The following NUP153 variants were observed in gnomAD, a reference collection of about 807,000 sequenced individuals.
NUP153 encodes nucleoporin 153, also known as nuclear pore complex protein Nup153.
Under a neutral mutation model 134.6 loss-of-function variants are expected in NUP153, and 27 were observed. The observed-to-expected ratio is 0.20, with a 90% CI of 0.15 to 0.28. The LOEUF (loss-of-function observed/expected upper bound fraction) is 0.28, where lower values mean the gene tolerates loss of function less well. Among genes scored for constraint, NUP153 ranks in the 10% least tolerant of loss-of-function variants. The pLI is 1.00. For synonymous variants in NUP153, 640 were observed against 623.5 expected, an observed-to-expected ratio of 1.03 and a Z score of -0.40; for missense variants, 1,821 against 1,731.3, an observed-to-expected ratio of 1.05 and a Z score of -0.92.
At chr6:17,647,733 C>T in intron 13 of NUP153, 74 bp downstream of exon 13, 2 of 933,356 alleles carry the variant, frequency 2.1e-6, no homozygotes, top group East Asian at 4.9e-5. Context: ...CCACCAGTGG[C>T]ATCTTAGATT....
At chr6:17,697,732 C>G (rs12211005) in intron 1 of NUP153, among the ~76,000 whole-genome samples, 1 of 149,610 alleles carries the variant, frequency 6.7e-6, no homozygotes, top group East Asian at 2.0e-4. Context: ...GGGCAGGCTA[C>G]TCTATAACAC....
Position 17,628,482 on chromosome 6 carries a change from TAA to T in NUP153, c.3544+171_3544+172del. Among the ~76,000 whole-genome samples the T allele has an allele frequency of 6.6e-6, 1 of 152,256 alleles. No individual in the cohort carries two copies. The highest frequency in any genetic ancestry group is 2.1e-4 in the South Asian group (1 of 4,820). ...GACTTCACCAGAATCATGAGGGTTT[TAA>T]AGAGCAGTTCAAACTGAAAATCCTA... On this transcript the variant is annotated intron_variant, in intron 18 of 21. Coordinates refer to ENST00000262077, the MANE Select transcript of NUP153 (RefSeq NM_005124.4). The surrounding 1 kb of genome is among the most constrained non-coding windows in gnomAD (Gnocchi z 5.4).
intron 1 of NUP153, among the ~76,000 whole-genome samples, chr6:17,699,469 C>T (rs1282763221): frequency 2.2e-5 from 3 of 135,178 alleles, no homozygotes; most frequent in African/African-American, 8.4e-5. Context: ...GGTGACAGGG[C>T]GAGACTCGTC....
intron 11 of NUP153, among the ~76,000 whole-genome samples, chr6:17,653,420 A>T (rs535064594): frequency 1.1e-4 from 16 of 152,380 alleles, no homozygotes; most frequent in African/African-American, 3.4e-4. Flanking sequence ...ATGACTATCA[A>T]CTATTGGTAA....
intron 2 of NUP153, among the ~76,000 whole-genome samples, chr6:17,682,039 G>A (rs529138639): frequency 5.9e-5 from 9 of 152,144 alleles, no homozygotes; most frequent in South Asian, 2.1e-4. Context: ...GAGGCCTCAC[G>A]TCTACTAAAA....
chr6:17,617,610 AGGC>A (rs1347085956), intron 20 of NUP153, among the ~76,000 whole-genome samples: 2 of 152,140 alleles, frequency 1.3e-5, no homozygotes, highest in African/African-American at 2.4e-5. Context: ...TGGGAGGCCA[AGGC>A]AGGTGGACTG....
intron 2 of NUP153, among the ~76,000 whole-genome samples, chr6:17,681,050 C>T (rs1476573576): frequency 6.6e-6 from 1 of 151,826 alleles, no homozygotes; most frequent in Non-Finnish European, 1.5e-5. Context: ...GACAAAGAAA[C>T]TGTGCTACAT....
In NUP153 at chr6:17,668,069, C is replaced by CTTT. The variant is rs762142682; in HGVS notation, c.1068+903_1068+905dup. ...GCAATGAGGACTTTAGTTTACTGAA[C>CTTT]TTTTTTTTTTTTTTTTTTTTTTTTG... On this transcript the variant is annotated intron_variant, in intron 8 of 21. Transcript: ENST00000262077. 5.7e-4 allele frequency among the ~76,000 whole-genome samples: 50 copies of CTTT among 87,234 alleles called. 3 individuals are homozygous for CTTT. The highest frequency in any genetic ancestry group is 1.9e-3 in the African/African-American group (42 of 21,614). 57.2% of individuals were successfully genotyped at this position (87,234 alleles called of 152,430 possible).
At chr6:17,694,660 A>AAAAAG (rs889839514) in intron 1 of NUP153, among the ~76,000 whole-genome samples, 5 of 150,796 alleles carry the variant, frequency 3.3e-5, no homozygotes, top group Non-Finnish European at 7.4e-5. Context: ...CCGTCTCACA[A>AAAAAG]AAAAGAAAAG....
intron 8 of NUP153, 130 bp downstream of exon 8, chr6:17,668,845 A>T: frequency 1.6e-6 from 1 of 641,212 alleles, no homozygotes; most frequent in Non-Finnish European, 2.6e-6. Context: ...TGAGACTCAA[A>T]AAAAAAAAGA....
At chr6:17,648,052 A>C (rs550597361) in intron 12 of NUP153, 147 bp from the exon 13 acceptor site, 57 of 615,310 alleles carry the variant, frequency 9.3e-5, no homozygotes, top group Middle Eastern at 4.3e-4. Flanking sequence ...AAATTCTGAA[A>C]AACACAGAAC....
At chr6:17,669,681 T>TAG (rs1295205077) in intron 5 of NUP153, 135 bp from the exon 6 acceptor site, 14 of 649,984 alleles carry the variant, frequency 2.2e-5, no homozygotes, top group Non-Finnish European at 3.6e-5. Context: ...AATTTATCTT[T>TAG]GGGTGGTATC....
intron 9 of NUP153, among the ~76,000 whole-genome samples, chr6:17,664,650 G>C (rs1767404179): frequency 6.6e-6 from 1 of 152,162 alleles, no homozygotes; most frequent in South Asian, 2.1e-4. Flanking sequence ...CTTGCAGATA[G>C]TTCAACACCA....
At chr6:17,702,707 C>G (rs1261211219) in intron 1 of NUP153, among the ~76,000 whole-genome samples, 1 of 151,912 alleles carries the variant, frequency 6.6e-6, no homozygotes, top group Non-Finnish European at 1.5e-5. Flanking sequence ...AAAAATGACA[C>G]CATTTCCTAA....
At position 17,652,460 on chromosome 6, in the gene NUP153, A is replaced by G. The variant is rs151201054; in HGVS notation, c.1396-3160T>C. On this transcript the variant is annotated intron_variant, in intron 11 of 21. Transcript: ENST00000262077. ...AAAATCAAAAGAAATTAGAAAAACTATAAAAGCAAAATTACAATGCTTCTA... is the reference window on the plus strand; with the variant it reads ...AAAATCAAAAGAAATTAGAAAAACTGTAAAAGCAAAATTACAATGCTTCTA... Among the ~76,000 whole-genome samples, 283 of 152,288 alleles carry G rather than the reference A, an allele frequency of 1.9e-3. 3 individuals carry two copies. Among genetic ancestry groups the G allele is most frequent in the African/African-American group, 6.3e-3 (260 of 41,570 alleles).
intron 11 of NUP153, among the ~76,000 whole-genome samples, chr6:17,652,690 C>T (rs1316770706): frequency 1.3e-5 from 2 of 152,118 alleles, no homozygotes; most frequent in Non-Finnish European, 2.9e-5. Flanking sequence ...TGACAAAGTA[C>T]CTAGGTCCAA....
At chr6:17,630,481 G>A (rs529095341) in intron 17 of NUP153, among the ~76,000 whole-genome samples, 7 of 152,152 alleles carry the variant, frequency 4.6e-5, no homozygotes, top group Non-Finnish European at 8.8e-5. Flanking sequence ...CCAACATGGC[G>A]AAACCCCATC....
At chr6:17,656,078 G>A (rs1189535643) in intron 11 of NUP153, among the ~76,000 whole-genome samples, 1 of 151,804 alleles carries the variant, frequency 6.6e-6, no homozygotes, top group African/African-American at 2.4e-5. Context: ...GGTGGCGTAC[G>A]CTTGTAATCC....
intron 11 of NUP153, among the ~76,000 whole-genome samples, chr6:17,654,562 C>T (rs1328364987): frequency 1.3e-5 from 2 of 152,170 alleles, no homozygotes; most frequent in South Asian, 2.1e-4. Flanking sequence ...CCTCGTGATC[C>T]GCCCACCTCG....
Sources: gnomAD v4.1 joint callset for allele counts (sites outside exome capture counted in the v4.1 genomes callset) on GRCh38, gnomAD v4.1.1 for gene constraint, Gnocchi (gnomAD v3.1) non-coding constraint, MANE v1.5 for transcripts, NCBI Gene and HGNC (gene_info 2026-07-23, HGNC 2026-07-21) for gene names.